HSPA4: variants seen among roughly 807,000 people sequenced by gnomAD.
HSPA4 encodes heat shock 70 kDa protein 4.
In HSPA4, 25 loss-of-function variants were observed where a neutral mutation model predicts 106.2. The observed-to-expected ratio is 0.24, with a 90% CI of 0.17 to 0.33. The LOEUF (loss-of-function observed/expected upper bound fraction) is 0.33. Among genes scored for constraint, HSPA4 ranks in the 10% least tolerant of loss-of-function variants. The probability of loss-of-function intolerance (pLI) is 1.00; values close to 1 mark genes in which losing one functional copy is unlikely to be tolerated. For synonymous variants in HSPA4, 332 were observed against 333.6 expected (o/e 1.00, Z 0.05); for missense variants, 841 against 996.0 (o/e 0.84, Z 2.10).
chr5:133,088,318 G>A, intron 8 of HSPA4, 86 bp from the exon 9 acceptor site: 1 of 949,844 alleles, frequency 1.1e-6, no homozygotes, highest in Admixed American at 2.3e-5. Flanking sequence ...GAGGAGTTTT[G>A]TTACACATCT....
intron 7 of HSPA4, among the ~76,000 whole-genome samples, chr5:133,086,124 G>T (rs1765575466): frequency 6.6e-6 from 1 of 152,154 alleles, no homozygotes; most frequent in Admixed American, 6.5e-5. Flanking sequence ...AATCACCTGA[G>T]CCTGGGAACT....
At chr5:133,061,125 C>CTT (rs576430090) in intron 1 of HSPA4, among the ~76,000 whole-genome samples, 2,111 of 135,802 alleles carry the variant, frequency 0.016, 27 homozygotes, top group Middle Eastern at 0.043. Context: ...GTTTTCTTTT[C>CTT]TTTTTTTTTT....
intron 2 of HSPA4, among the ~76,000 whole-genome samples, chr5:133,066,621 A>G (rs1448418087): frequency 6.6e-6 from 1 of 152,030 alleles, no homozygotes; most frequent in Admixed American, 6.5e-5. Flanking sequence ...GTCTGCTACT[A>G]CAAATAATAC....
At chr5:133,103,394 A>C (rs1245980971) in intron 17 of HSPA4, among the ~76,000 whole-genome samples, 1 of 146,634 alleles carries the variant, frequency 6.8e-6, no homozygotes, top group African/African-American at 2.5e-5. Context: ...TTTGAGATGT[A>C]GTCTCGCTCT....
intron 1 of HSPA4, among the ~76,000 whole-genome samples, chr5:133,064,585 C>A (rs575033340): frequency 6.6e-6 from 1 of 152,050 alleles, no homozygotes; most frequent in South Asian, 2.1e-4. Context: ...GAGTTGTTTT[C>A]AGGGTTTGTA....
At chr5:133,061,028 C>T (rs1765235224) in intron 1 of HSPA4, among the ~76,000 whole-genome samples, 1 of 151,734 alleles carries the variant, frequency 6.6e-6, no homozygotes, top group African/African-American at 2.4e-5. Context: ...TCAGATTTTA[C>T]ATTTTTCATT....
intron 11 of HSPA4, among the ~76,000 whole-genome samples, chr5:133,090,520 C>T (rs988848603): frequency 2.0e-4 from 30 of 151,040 alleles, no homozygotes; most frequent in African/African-American, 6.8e-4. Flanking sequence ...GTTTCAGAAC[C>T]GTGTTATCTA....
chr5:133,065,087 T>C (rs979883787), intron 2 of HSPA4, 50 bp downstream of exon 2: 9 of 1,506,334 alleles, frequency 6.0e-6, no homozygotes, highest in Non-Finnish European at 8.3e-6. Flanking sequence ...TCTTCATCCA[T>C]GTGTTCAGCA....
intron 8 of HSPA4, 82 bp from the exon 9 acceptor site, chr5:133,088,322 C>A: frequency 1.0e-6 from 1 of 980,630 alleles, no homozygotes; most frequent in Non-Finnish European, 1.5e-6. Flanking sequence ...AGTTTTGTTA[C>A]ACATCTGAGT....
intron 6 of HSPA4, 142 bp downstream of exon 6, chr5:133,074,268 CT>C: frequency 2.2e-6 from 1 of 463,358 alleles, no homozygotes; most frequent in Non-Finnish European, 3.6e-6. Context: ...TTTTTCTTTT[CT>C]TTCTTTTTTT....
At chr5:133,096,663 A>T (rs758035790) in intron 14 of HSPA4, among the ~76,000 whole-genome samples, 2 of 152,212 alleles carry the variant, frequency 1.3e-5, no homozygotes, top group Admixed American at 1.3e-4. Flanking sequence ...GCCAGTCAGT[A>T]TGTAAATATA....
chr5:133,062,384 A>G (rs1021001922), intron 1 of HSPA4, among the ~76,000 whole-genome samples: 1 of 152,206 alleles, frequency 6.6e-6, no homozygotes. Context: ...GATTGGGGTC[A>G]TGGTGGGATA....
intron 7 of HSPA4, among the ~76,000 whole-genome samples, chr5:133,085,143 A>ATT (rs886182790): frequency 6.9e-6 from 1 of 144,080 alleles, no homozygotes; most frequent in African/African-American, 2.7e-5. Context: ...TTAAAAAAAA[A>ATT]TTTTTTTTTT....
intron 4 of HSPA4, among the ~76,000 whole-genome samples, chr5:133,072,259 A>G (rs1581469747): frequency 6.6e-6 from 1 of 152,174 alleles, no homozygotes; most frequent in South Asian, 2.1e-4. Context: ...GAAAAGGCAC[A>G]TGAGGCAGAG....
At chr5:133,086,943 AT>A in intron 8 of HSPA4, 85 bp downstream of exon 8, 1 of 1,108,796 alleles carries the variant, frequency 9.0e-7, no homozygotes, top group Middle Eastern at 2.0e-4. Context: ...GCAAGCAGTG[AT>A]AGAAATTTTT....
At chr5:133,084,969 G>A (rs1396105252) in intron 7 of HSPA4, among the ~76,000 whole-genome samples, 1 of 151,858 alleles carries the variant, frequency 6.6e-6, no homozygotes, top group African/African-American at 2.4e-5. Context: ...CACCATGCCT[G>A]GCTAATTTCT....
At chr5:133,084,352 A>C (rs754782425) in intron 7 of HSPA4, among the ~76,000 whole-genome samples, 1 of 152,018 alleles carries the variant, frequency 6.6e-6, no homozygotes, top group Non-Finnish European at 1.5e-5. Flanking sequence ...TTTTTTTTCT[A>C]TTAGAAGTAA....
At chr5:133,055,916 A>G (rs935937096) in intron 1 of HSPA4, among the ~76,000 whole-genome samples, 1 of 152,102 alleles carries the variant, frequency 6.6e-6, no homozygotes, top group East Asian at 1.9e-4. Flanking sequence ...TGTCTCTACT[A>G]AAAATACAAA....
At chr5:133,060,191 T>C (rs72667111) in intron 1 of HSPA4, among the ~76,000 whole-genome samples, 9,618 of 152,100 alleles carry the variant, frequency 0.063, 881 homozygotes, top group East Asian at 0.29. Flanking sequence ...TATTTTTTTC[T>C]TCATACTTGT....
Sources: allele counts gnomAD v4.1 joint callset (sites outside exome capture counted in the v4.1 genomes callset), GRCh38; gene constraint gnomAD v4.1.1; transcripts MANE v1.5; gene names NCBI Gene and HGNC (gene_info 2026-07-23, HGNC 2026-07-21).